ARHGAP40: variants seen among roughly 807,000 people sequenced by gnomAD.
ARHGAP40 encodes the protein rho GTPase-activating protein 40.
Under a neutral mutation model 73.5 loss-of-function variants are expected in ARHGAP40, and 43 were observed. The ratio of observed to expected loss-of-function variants is 0.58; its 90% CI spans 0.46 to 0.75. The LOEUF is 0.75. ARHGAP40 is among the 30% of genes least tolerant of loss of function. The probability of loss-of-function intolerance (pLI) is 0.00; values close to 1 mark genes in which losing one functional copy is unlikely to be tolerated. For synonymous variants in ARHGAP40, 300 were observed against 352.8 expected (o/e 0.85, Z 1.68); for missense variants, 734 against 861.8 (o/e 0.85, Z 1.86).
intron 1 of ARHGAP40, among the ~76,000 whole-genome samples, chr20:38,616,366 G>T (rs926048518): frequency 6.6e-6 from 1 of 152,238 alleles, no homozygotes; most frequent in African/African-American, 2.4e-5. Flanking sequence ...CAAGAGATAC[G>T]TTCAAAAGAG....
At chr20:38,640,410 G>A (rs747337713) in intron 9 of ARHGAP40, among the ~76,000 whole-genome samples, 2 of 151,484 alleles carry the variant, frequency 1.3e-5, no homozygotes, top group Non-Finnish European at 2.9e-5. Flanking sequence ...TTGTAGTGAC[G>A]GGGGTCTCGC....
chr20:38,617,265 A>G (rs2088846602), intron 1 of ARHGAP40, among the ~76,000 whole-genome samples: 1 of 152,134 alleles, frequency 6.6e-6, no homozygotes, highest in Non-Finnish European at 1.5e-5. Flanking sequence ...TTCCCTGAAC[A>G]GGCTCTCGGC....
chr20:38,623,059 C>T (rs2088881334), intron 1 of ARHGAP40, among the ~76,000 whole-genome samples: 1 of 152,332 alleles, frequency 6.6e-6, no homozygotes, highest in Admixed American at 6.5e-5. Context: ...TTAATCCCCT[C>T]TTGGGAATGC....
At chr20:38,612,555 T>G (rs1402999349) in intron 1 of ARHGAP40, among the ~76,000 whole-genome samples, 3 of 152,038 alleles carry the variant, frequency 2.0e-5, no homozygotes, top group Non-Finnish European at 4.4e-5. Flanking sequence ...GTGCCTGTAA[T>G]TCCAGCCGGG....
chr20:38,639,910 C>T (rs918215382), intron 9 of ARHGAP40, among the ~76,000 whole-genome samples: 2 of 152,210 alleles, frequency 1.3e-5, no homozygotes, highest in African/African-American at 4.8e-5. Flanking sequence ...CAAAAAAATA[C>T]AGCAGCTCTC....
rs373192734 is a variant in ARHGAP40 at position 38,643,955 on chromosome 20, G to A, written c.1569+45G>A. 165 of 1,248,168 alleles carry A rather than the reference G, an allele frequency of 1.3e-4. 1 individual carries two copies. Among genetic ancestry groups the A allele is most frequent in the South Asian group, 8.4e-4 (60 of 71,792 alleles). The allele number at this position is 1,248,168 out of a possible 1,614,324, so 77.3% of individuals were successfully genotyped here. On this transcript the variant is annotated intron_variant, in intron 11 of 14. Transcript: ENST00000373345. Reference sequence around the variant, plus strand: ...GGGTATCCCTCTGGGTGCAGCTGCCGTGCCGCCCCTGCTCTCCAGGAGCCT... The same window carrying A: ...GGGTATCCCTCTGGGTGCAGCTGCCATGCCGCCCCTGCTCTCCAGGAGCCT...
chr20:38,627,201 G>T lies in ARHGAP40; in HGVS notation c.544G>T (p.Val182Phe), dbSNP rs2088903415. Reference sequence around the variant, plus strand: ...CAGAGATGTCAGGGATGTCTTTGGGGTCTTCAATTCAGGGGTAAGTGGCAT... The same window carrying T: ...CAGAGATGTCAGGGATGTCTTTGGGTTCTTCAATTCAGGGGTAAGTGGCAT... The change falls in exon 3 of 15, where the codon GTC becomes TTC. Residue 182 changes from valine (V) to phenylalanine (F), a missense_variant. By Grantham distance (50) the Val-to-Phe change is conservative. Transcript: ENST00000373345. The T allele has an allele frequency of 7.7e-7, 1 of 1,305,274 alleles. No homozygotes were observed. The highest frequency in any genetic ancestry group is 1.0e-6 in the Non-Finnish European group (1 of 988,928). The allele number at this position is 1,305,274 out of a possible 1,614,324, so 80.9% of individuals were successfully genotyped here. A position where few individuals can be genotyped will look rare whatever the true frequency, so the allele number is the denominator to read the frequency against.
At chr20:38,620,274 T>A (rs528985849) in intron 1 of ARHGAP40, among the ~76,000 whole-genome samples, 2 of 152,362 alleles carry the variant, frequency 1.3e-5, no homozygotes, top group Non-Finnish European at 2.9e-5. Flanking sequence ...ACACCTTTTG[T>A]GGATGCGTTC....
chr20:38,639,087 G>A (rs1462516801), intron 8 of ARHGAP40, 140 bp from the exon 9 acceptor site: 22 of 926,242 alleles, frequency 2.4e-5, no homozygotes, highest in Non-Finnish European at 3.1e-5. Flanking sequence ...AGACCATTTC[G>A]TCCTTACTTC....
At chr20:38,631,281 A>T (rs1365555019) in intron 5 of ARHGAP40, among the ~76,000 whole-genome samples, 3 of 147,418 alleles carry the variant, frequency 2.0e-5, no homozygotes, top group Non-Finnish European at 4.5e-5. Context: ...ACTGCTCTCC[A>T]GCCTGGGCCA....
chr20:38,634,804 G>A lies in ARHGAP40; in HGVS notation c.949+19G>A, dbSNP rs1411422380. On this transcript the variant is annotated intron_variant, in intron 6 of 14. Coordinates refer to ENST00000373345, the Ensembl canonical transcript of ARHGAP40. ...GCGGCAGGTGAGCAGCCCCAGCCCA[G>A]GGAAAGCCCTGTGGCCACAGTCCTC... The A allele has an allele frequency of 3.2e-6, 4 of 1,254,956 alleles. No individual in the cohort carries two copies. Among genetic ancestry groups the A allele is most frequent in the Non-Finnish European group, 4.1e-6 (4 of 965,130 alleles). The allele number at this position is 1,254,956 out of a possible 1,614,324, so 77.7% of individuals were successfully genotyped here. A position where few individuals can be genotyped will look rare whatever the true frequency, so the allele number is the denominator to read the frequency against.
chr20:38,631,879 C>T (rs139847388), intron 5 of ARHGAP40, among the ~76,000 whole-genome samples: 9 of 152,286 alleles, frequency 5.9e-5, no homozygotes, highest in South Asian at 2.1e-4. Context: ...AGAACTCCCA[C>T]GTACTCTGCA....
intron 1 of ARHGAP40, among the ~76,000 whole-genome samples, chr20:38,620,028 C>T (rs1050932607): frequency 6.6e-6 from 1 of 152,132 alleles, no homozygotes; most frequent in Non-Finnish European, 1.5e-5. Context: ...GCTATGATCG[C>T]GCCATTGCCT....
intron 3 of ARHGAP40, among the ~76,000 whole-genome samples, chr20:38,628,533 T>C (rs2088917189): frequency 6.6e-6 from 1 of 152,168 alleles, no homozygotes; most frequent in East Asian, 1.9e-4. Flanking sequence ...CTCTATCTCC[T>C]GACCTGGTGA....
intron 14 of ARHGAP40, among the ~76,000 whole-genome samples, chr20:38,648,974 C>G (rs1437720210): frequency 1.3e-5 from 2 of 152,314 alleles, no homozygotes; most frequent in East Asian, 3.9e-4. Context: ...TGTGAAGGTT[C>G]ACAGTAGCAC....
At chr20:38,643,977 G>C (rs2089036258) in intron 11 of ARHGAP40, 67 bp downstream of exon 11, 12 of 1,225,186 alleles carry the variant, frequency 9.8e-6, no homozygotes, top group Non-Finnish European at 1.1e-5. Context: ...CTCTCCAGGA[G>C]CCTGGGCATT....
chr20:38,610,960 G>C (rs2088801384), intron 1 of ARHGAP40, among the ~76,000 whole-genome samples: 2 of 148,020 alleles, frequency 1.4e-5, no homozygotes, highest in Non-Finnish European at 3.0e-5. Flanking sequence ...CAAAATCTCA[G>C]CTCACTGCAA....
chr20:38,641,474 T>C (rs2089018024), intron 9 of ARHGAP40, among the ~76,000 whole-genome samples: 1 of 152,244 alleles, frequency 6.6e-6, no homozygotes, highest in Non-Finnish European at 1.5e-5. Context: ...CTGTGCGGCA[T>C]GTGCTTGCCT....
intron 5 of ARHGAP40, among the ~76,000 whole-genome samples, chr20:38,633,415 A>T (rs1394946300): frequency 2.0e-5 from 3 of 152,234 alleles, no homozygotes; most frequent in Non-Finnish European, 4.4e-5. Context: ...TAAACTAAAA[A>T]GTAGTAGTAA....
Sources: gnomAD v4.1 joint callset for allele counts (sites outside exome capture counted in the v4.1 genomes callset) on GRCh38, gnomAD v4.1.1 for gene constraint, MANE v1.5 for transcripts, NCBI Gene and HGNC (gene_info 2026-07-23, HGNC 2026-07-21) for gene names.